The following GSK3A variants were observed in gnomAD, a reference collection of about 807,000 sequenced individuals.
GSK3A encodes the protein glycogen synthase kinase-3 alpha.
Under a neutral mutation model 56.6 loss-of-function variants are expected in GSK3A, and 14 were observed. That is an observed-to-expected ratio of 0.25 (90% CI 0.16 to 0.39). The LOEUF is 0.39. Among genes scored for constraint, GSK3A ranks in the 10% least tolerant of loss-of-function variants. GSK3A has a pLI of 1.00. For missense variants in GSK3A, 450 were observed against 656.0 expected, an observed-to-expected ratio of 0.69 and a Z score of 3.43; for synonymous variants, 301 against 285.0, an observed-to-expected ratio of 1.06 and a Z score of -0.56.
chr19:42,241,876 T>C (rs1188967832), intron 1 of GSK3A: 1 of 284,022 alleles, frequency 3.5e-6, no homozygotes, highest in Non-Finnish European at 6.5e-6. Flanking sequence ...GATCCAATAT[T>C]ATAATGAATA....
intron 1 of GSK3A, chr19:42,240,519 G>A (rs907236648): frequency 3.0e-5 from 12 of 402,700 alleles, no homozygotes; most frequent in Non-Finnish European, 4.9e-5. Context: ...CCTATTTGGA[G>A]AAAGCTTGAC....
Position 42,233,280 on chromosome 19 carries a change from C to A in GSK3A, c.1002+6G>T. ...ACCCCCTGCCCAGCCCAGCCCCGCC[C>A]CTCACCTTGATGATCTCCACCAGCT... On this transcript the variant is annotated splice_donor_region_variant and intron_variant, in intron 7 of 10. Transcript: ENST00000222330. 6.4e-7 allele frequency: 1 copy of A among 1,574,480 alleles called. No homozygotes were observed. The highest frequency in any genetic ancestry group is 8.7e-7 in the Non-Finnish European group (1 of 1,154,296).
Position 42,234,307 on chromosome 19 carries a change from A to G in GSK3A, c.904+46T>C. ...CATACAGCACACAGAAAACTCCAAA[A>G]CTTCCCAGATTGCCACTCCCCCCGC... On this transcript the variant is annotated intron_variant, in intron 6 of 10. Transcript: ENST00000222330. The surrounding 1 kb of genome is among the most constrained non-coding windows in gnomAD (Gnocchi z 5.7). The G allele has an allele frequency of 1.4e-6, 2 of 1,439,364 alleles. No individual in the cohort carries two copies. Among genetic ancestry groups the G allele is most frequent in the South Asian group, 1.1e-5 (1 of 87,556 alleles). 89.2% of individuals were successfully genotyped at this position (1,439,364 alleles called of 1,614,324 possible). A position where few individuals can be genotyped will look rare whatever the true frequency, so the allele number is the denominator to read the frequency against.
intron 6 of GSK3A, 140 bp from the exon 7 acceptor site, chr19:42,233,523 C>A: frequency 1.6e-6 from 1 of 635,202 alleles, no homozygotes; most frequent in Admixed American, 2.8e-5. Context: ...AGGTCACATG[C>A]AGCTTAGAAA....
At chr19:42,242,037 C>T in intron 1 of GSK3A, 146 bp downstream of exon 1, 1 of 618,156 alleles carries the variant, frequency 1.6e-6, no homozygotes, top group Non-Finnish European at 2.4e-6. Context: ...GACTCCTTTT[C>T]CTGGGAGGAA....
rs546477446 is a variant in GSK3A, at chr19:42,239,143, C to A, written c.471+812G>T. ...CAGGCATTGGACTTTTCCCAGAATG[C>A]GGTCTCAGCATTCTTCCCCATTCTC... is the stretch of plus-strand genomic sequence containing the variant. On this transcript the variant is annotated intron_variant, in intron 2 of 10. Coordinates refer to ENST00000222330, the MANE Select transcript of GSK3A (RefSeq NM_019884.3). Among the ~76,000 whole-genome samples the A allele has an allele frequency of 5.3e-5, 8 of 152,250 alleles. No individual in the cohort carries two copies. The South Asian group carries it at 1.7e-3, about 32-fold the overall frequency.
Position 42,234,761 on chromosome 19 carries a change from C to G in GSK3A, c.667-83G>C. The G allele has an allele frequency of 7.3e-7, 1 of 1,372,682 alleles. No homozygotes were observed. The highest frequency in any genetic ancestry group is 1.5e-5 in the South Asian group (1 of 66,350). 85.0% of individuals were successfully genotyped at this position (1,372,682 alleles called of 1,614,324 possible). On this transcript the variant is annotated intron_variant, in intron 4 of 10. Transcript: ENST00000222330. The surrounding 1 kb of genome is among the most constrained non-coding windows in gnomAD (Gnocchi z 5.7). ...ACCCCACCAGCTTGGCCTGAAGAGC[C>G]CTTCCAGGCCCACTCTCCCTGCTGC...
intron 2 of GSK3A, 33 bp from the exon 3 acceptor site, chr19:42,236,974 C>G (rs777187288): frequency 6.9e-7 from 1 of 1,440,214 alleles, no homozygotes; most frequent in Non-Finnish European, 9.8e-7. Flanking sequence ...CAGAATACAA[C>G]CAACTCTCTC....
At chr19:42,232,194 G>A (rs778015411) in intron 9 of GSK3A, 45 bp from the exon 10 acceptor site, 2 of 1,200,858 alleles carry the variant, frequency 1.7e-6, no homozygotes, top group Non-Finnish European at 1.2e-6. Flanking sequence ...ACTACAGCAG[G>A]GTTATGATGG....
intron 9 of GSK3A, 111 bp from the exon 10 acceptor site, chr19:42,232,260 CCA>C: frequency 1.3e-6 from 1 of 760,044 alleles, no homozygotes; most frequent in East Asian, 2.7e-5. Context: ...ACACCTTCAG[CCA>C]CAGACCTCTC....
At chr19:42,236,428 G>A (rs2036257319) in intron 4 of GSK3A, among the ~76,000 whole-genome samples, 178 bp downstream of exon 4, 1 of 152,062 alleles carries the variant, frequency 6.6e-6, no homozygotes, top group Non-Finnish European at 1.5e-5. Context: ...TGCCTGCCTT[G>A]GCCCTCCCCT....
chr19:42,233,539 GC>G (rs1232762103), intron 6 of GSK3A, among the ~76,000 whole-genome samples, 156 bp from the exon 7 acceptor site: 15 of 152,148 alleles, frequency 9.9e-5, no homozygotes, highest in Admixed American at 9.8e-4. Context: ...AGAAACATGG[GC>G]CCGACCTTGA....
chr19:42,232,323 C>T (rs1315039264), intron 9 of GSK3A, among the ~76,000 whole-genome samples, 173 bp downstream of exon 9: 1 of 152,178 alleles, frequency 6.6e-6, no homozygotes, highest in Admixed American at 6.5e-5. Flanking sequence ...CAGTAAAGCA[C>T]AACTGAAGCA....
chr19:42,240,094 G>C lies in GSK3A; in HGVS notation c.332C>G (p.Pro111Arg). ...TTVVATLGQG[P>R]ERSQEVAYTD... ...GTAAGCCACTTCTTGGGAGCGCTCT[G>C]GGCCTTGGCCTAGAGTGGCTACGAC... is the stretch of plus-strand genomic sequence containing the variant. The change falls in exon 2 of 11, where the codon CCA becomes CGA. Residue 111 changes from proline to arginine, a missense_variant. Physicochemically the swap from Pro to Arg is moderately radical, Grantham distance 103. Transcript: ENST00000222330. The C allele has an allele frequency of 6.2e-7, 1 of 1,614,130 alleles. No individual in the cohort carries two copies. Among genetic ancestry groups the C allele is most frequent in the Non-Finnish European group, 8.5e-7 (1 of 1,179,986 alleles).
chr19:42,232,026 C>T (rs1451419342), intron 10 of GSK3A, 31 bp downstream of exon 10: 3 of 1,303,544 alleles, frequency 2.3e-6, no homozygotes, highest in Middle Eastern at 1.9e-4. Context: ...CTGAGAGATA[C>T]TTTAACCCCC....
At position 42,234,686 on chromosome 19, in the gene GSK3A, G is replaced by T; in HGVS notation, c.667-8C>A. 6.3e-7 allele frequency: 1 copy of T among 1,576,334 alleles called. No individual in the cohort carries two copies. The highest frequency in any genetic ancestry group is 1.8e-5 in the Admixed American group (1 of 54,808). ...GAGCTGGTACATGTACACCTGCGGC[G>T]GGCACAGGATAGCAGAACTTTAGCC... On this transcript the variant is annotated splice_polypyrimidine_tract_variant and splice_region_variant and intron_variant, in intron 4 of 10. Transcript: ENST00000222330. This position sits in a 1 kb window ranked among gnomAD's most constrained non-coding sequence, Gnocchi z 5.7.
At chr19:42,240,286 A>G (rs2036283630) in intron 1 of GSK3A, 144 bp from the exon 2 acceptor site, 23 of 714,436 alleles carry the variant, frequency 3.2e-5, no homozygotes, top group Non-Finnish European at 5.5e-5. Flanking sequence ...GGAAAGGTGG[A>G]TGCTGGGACC....
At chr19:42,236,284 T>C (rs1338712884) in intron 4 of GSK3A, among the ~76,000 whole-genome samples, 3 of 152,072 alleles carry the variant, frequency 2.0e-5, no homozygotes, top group Non-Finnish European at 4.4e-5. Context: ...GCAGTCCTGG[T>C]CCCCACCACC....
In GSK3A at chr19:42,234,580, G is replaced by C; in HGVS notation, c.765C>G (p.Asp255Glu). The C allele has an allele frequency of 6.2e-7, 1 of 1,614,106 alleles. No homozygotes were observed. Among genetic ancestry groups the C allele is most frequent in the East Asian group, 2.2e-5 (1 of 44,880 alleles). ...IKPQNLLVDP[D>E]TAVLKLCDFG... is the part of the protein sequence containing the mutation. Reference sequence around the variant, plus strand: ...AATCGCAGAGCTTGAGGACAGCAGTGTCAGGGTCCACCAGCAGGTTCTGGG... The same window carrying C: ...AATCGCAGAGCTTGAGGACAGCAGTCTCAGGGTCCACCAGCAGGTTCTGGG... Residue 255 changes from aspartate (D) to glutamate (E), a missense_variant, in exon 5 of 11, where the codon GAC becomes GAG. Physicochemically the swap from Asp to Glu is conservative, Grantham distance 45. Coordinates refer to ENST00000222330, the MANE Select transcript of GSK3A (RefSeq NM_019884.3). The surrounding 1 kb of genome is among the most constrained non-coding windows in gnomAD (Gnocchi z 5.7).
Sources: allele counts gnomAD v4.1 joint callset (sites outside exome capture counted in the v4.1 genomes callset), GRCh38; gene constraint gnomAD v4.1.1; non-coding constraint Gnocchi (gnomAD v3.1); transcripts MANE v1.5; gene names NCBI Gene and HGNC (gene_info 2026-07-23, HGNC 2026-07-21).